The following TEAD4 variants were observed in gnomAD, a reference collection of about 807,000 sequenced individuals.
The protein encoded by TEAD4 is TEA domain transcription factor 4.
In TEAD4, 36 loss-of-function variants were observed where a neutral mutation model predicts 52.4. The ratio of observed to expected loss-of-function variants is 0.69; its 90% confidence interval spans 0.53 to 0.91. The LOEUF is 0.91. Ranked by LOEUF, TEAD4 falls within the 40% of genes least tolerant of loss-of-function variation. TEAD4 has a pLI of 0.00. For synonymous variants in TEAD4, 220 were observed against 231.0 expected, an observed-to-expected ratio of 0.95 and a Z score of 0.43; for missense variants, 508 against 583.9, an observed-to-expected ratio of 0.87 and a Z score of 1.34.
At chr12:2,964,956 G>A (rs1371380441) in intron 2 of TEAD4, among the ~76,000 whole-genome samples, 2 of 152,046 alleles carry the variant, frequency 1.3e-5, no homozygotes, top group African/African-American at 4.8e-5. Flanking sequence ...TCAGGTTGCC[G>A]GATTCTCACA....
At chr12:3,017,650 A>G (rs2098265579) in intron 6 of TEAD4, 124 bp downstream of exon 6, 9 of 1,360,484 alleles carry the variant, frequency 6.6e-6, no homozygotes, top group Non-Finnish European at 7.8e-6. Context: ...TGGCCAGGGC[A>G]GTCAGGGAAG....
chr12:3,002,384 A>G (rs943175304), intron 3 of TEAD4, among the ~76,000 whole-genome samples: 1 of 152,208 alleles, frequency 6.6e-6, no homozygotes, highest in Non-Finnish European at 1.5e-5. Context: ...TGGAATTGCT[A>G]GCTCATGTGG....
chr12:2,960,348 C>G (rs1382006425), intron 2 of TEAD4: 1 of 985,496 alleles, frequency 1.0e-6, no homozygotes, highest in African/African-American at 1.7e-5. Flanking sequence ...AGGGAGAGAC[C>G]TGGAGGTAAG....
intron 5 of TEAD4, among the ~76,000 whole-genome samples, chr12:3,015,734 C>T (rs776145551): frequency 1.6e-4 from 24 of 152,198 alleles, no homozygotes; most frequent in Non-Finnish European, 2.6e-4. Flanking sequence ...CAGCTCACTG[C>T]AGCCTCGACC....
At chr12:3,022,551 C>T (rs995126776) in intron 10 of TEAD4, among the ~76,000 whole-genome samples, 3 of 152,240 alleles carry the variant, frequency 2.0e-5, no homozygotes, top group African/African-American at 7.2e-5. Context: ...ACCCACCCAG[C>T]TTCTCAGATA....
intron 10 of TEAD4, among the ~76,000 whole-genome samples, chr12:3,028,649 TTGAGACAGTCTTTC>T (rs1431892786): frequency 1.3e-5 from 2 of 152,154 alleles, no homozygotes; most frequent in Admixed American, 1.3e-4. Context: ...CCTTTTTTTT[TTGAGACAGTCTTTC>T]TCTGTCACCT....
intron 10 of TEAD4, among the ~76,000 whole-genome samples, chr12:3,026,181 C>T (rs1315370408): frequency 6.6e-6 from 1 of 152,160 alleles, no homozygotes; most frequent in Admixed American, 6.5e-5. Context: ...TGTTGGAACC[C>T]TCTATGATGT....
intron 5 of TEAD4, among the ~76,000 whole-genome samples, chr12:3,016,107 A>G (rs980328263): frequency 6.6e-6 from 1 of 151,696 alleles, no homozygotes; most frequent in Non-Finnish European, 1.5e-5. Context: ...AGCTCACTGC[A>G]GCCCCTGCTT....
chr12:3,031,795 A>G (rs1395315876), intron 10 of TEAD4, among the ~76,000 whole-genome samples: 1 of 152,226 alleles, frequency 6.6e-6, no homozygotes, highest in Non-Finnish European at 1.5e-5. Flanking sequence ...TGCCCAGTTC[A>G]TAGTACCAGA....
At chr12:2,960,514 C>G (rs956611052) in intron 2 of TEAD4, among the ~76,000 whole-genome samples, 1 of 152,070 alleles carries the variant, frequency 6.6e-6, no homozygotes, top group Non-Finnish European at 1.5e-5. Flanking sequence ...GTGAACATTT[C>G]CCCCGTTGTG....
At chr12:2,978,183 C>A (rs2098231253) in intron 2 of TEAD4, among the ~76,000 whole-genome samples, 1 of 152,062 alleles carries the variant, frequency 6.6e-6, no homozygotes, top group Admixed American at 6.6e-5. Flanking sequence ...TTTTTGTCTT[C>A]TATCTCCTGG....
Position 3,006,511 on chromosome 12 carries a change from T to C in TEAD4, c.227-4493T>C, listed in dbSNP as rs565651793. ...GAGTTCGAGACCAGCCTGACCAACA[T>C]GGAGAAACCTTATCTCTACTAAAAC... On this transcript the variant is annotated intron_variant, in intron 3 of 12. Coordinates refer to ENST00000359864, the MANE Select transcript of TEAD4 (RefSeq NM_003213.4). 8.5e-4 allele frequency among the ~76,000 whole-genome samples: 129 copies of C among 151,990 alleles called. 2 individuals are homozygous for C. The highest frequency in any genetic ancestry group is 3.0e-3 in the African/African-American group (124 of 41,446).
intron 3 of TEAD4, among the ~76,000 whole-genome samples, chr12:3,005,646 G>A (rs1366462269): frequency 1.3e-5 from 2 of 151,628 alleles, no homozygotes; most frequent in East Asian, 1.9e-4. Flanking sequence ...ACAGGCGCCC[G>A]CCACCATGCC....
At chr12:2,984,594 T>G (rs745577178) in intron 2 of TEAD4, among the ~76,000 whole-genome samples, 1 of 152,166 alleles carries the variant, frequency 6.6e-6, no homozygotes, top group African/African-American at 2.4e-5. Flanking sequence ...GCAACCATAA[T>G]AGAGGGTCCT....
At chr12:3,009,774 C>CA (rs1437086643) in intron 3 of TEAD4, among the ~76,000 whole-genome samples, 1 of 152,260 alleles carries the variant, frequency 6.6e-6, no homozygotes, top group Non-Finnish European at 1.5e-5. Context: ...ATTCTCCCCC[C>CA]ACTCCTTCCT....
At chr12:2,974,615 C>G (rs1279003105) in intron 2 of TEAD4, among the ~76,000 whole-genome samples, 1 of 152,142 alleles carries the variant, frequency 6.6e-6, no homozygotes, top group East Asian at 1.9e-4. Context: ...TCCTAGTGCC[C>G]CACTGCCTCC....
intron 10 of TEAD4, among the ~76,000 whole-genome samples, chr12:3,026,525 C>T (rs1474771802): frequency 6.6e-6 from 1 of 152,188 alleles, no homozygotes. Flanking sequence ...GCCACTGTAG[C>T]CATCTTCCAA....
At chr12:3,014,956 G>A (rs2098263245) in intron 5 of TEAD4, among the ~76,000 whole-genome samples, 1 of 152,220 alleles carries the variant, frequency 6.6e-6, no homozygotes, top group Non-Finnish European at 1.5e-5. Context: ...CCCTCCTGCG[G>A]GGAGAGGTCA....
intron 2 of TEAD4, among the ~76,000 whole-genome samples, chr12:2,969,997 G>C (rs1270292663): frequency 1.3e-5 from 2 of 152,134 alleles, no homozygotes; most frequent in African/African-American, 4.8e-5. Context: ...AGGCTGAGGC[G>C]GGAGAGTTGC....
Sources: gnomAD v4.1 joint callset for allele counts (sites outside exome capture counted in the v4.1 genomes callset) on GRCh38, gnomAD v4.1.1 for gene constraint, MANE v1.5 for transcripts, NCBI Gene and HGNC (gene_info 2026-07-23, HGNC 2026-07-21) for gene names.